The following ZNF718 variants were observed in gnomAD, a reference collection of about 807,000 sequenced individuals.
ZNF718 encodes zinc finger protein 718.
A neutral mutation model predicts 2.6 loss-of-function variants in ZNF718; 3 were observed. The ratio of observed to expected loss-of-function variants is 1.16; its 90% confidence interval spans 0.53 to 3.01. ZNF718 has a LOEUF of 3.01. Ranked by LOEUF, ZNF718 falls within the 30% of genes most tolerant of loss-of-function variation. ZNF718 has a pLI of 0.03. For synonymous variants in ZNF718, 135 were observed against 77.9 expected (o/e 1.73, Z -3.86); for missense variants, 468 against 230.0 (o/e 2.03, Z -6.69).
At chr4:164,725 T>C (rs562264803), downstream of ZNF718, among the ~76,000 whole-genome samples, 5 of 152,308 alleles carry the variant, frequency 3.3e-5, no homozygotes, top group South Asian at 8.3e-4. Flanking sequence ...ATAAGCTGTT[T>C]AGTTACTGTT....
chr4:141,984 A>G (rs543680964), intron 3 of ZNF718: 2 of 518,732 alleles, frequency 3.9e-6, no homozygotes, highest in Admixed American at 3.9e-5. Context: ...GTATATTTCC[A>G]GCAGGTAAAA....
At chr4:149,964 T>C (rs1397853548) in intron 3 of ZNF718, 1 of 152,128 alleles carries the variant, frequency 6.6e-6, no homozygotes, top group African/African-American at 2.4e-5. Flanking sequence ...TTGCAATGGG[T>C]GTCTAGATTT....
At chr4:166,200 A>G (rs1200730113), downstream of ZNF718, among the ~76,000 whole-genome samples, 1 of 152,188 alleles carries the variant, frequency 6.6e-6, no homozygotes, top group African/African-American at 2.4e-5. Flanking sequence ...TTATGGCTGC[A>G]TAGTATTCCA....
At chr4:153,726 G>C (rs1331454551) in intron 3 of ZNF718, among the ~76,000 whole-genome samples, 5 of 152,104 alleles carry the variant, frequency 3.3e-5, no homozygotes, top group African/African-American at 1.2e-4. Flanking sequence ...GGTATAGATG[G>C]TATGTAGCTC....
intron 3 of ZNF718, among the ~76,000 whole-genome samples, chr4:157,103 C>CTTT (rs199814257): frequency 9.5e-4 from 98 of 102,852 alleles, no homozygotes; most frequent in Non-Finnish European, 1.5e-3. Flanking sequence ...TTCTTTCTTT[C>CTTT]TTTTTTTTTT....
intron 3 of ZNF718, among the ~76,000 whole-genome samples, chr4:179,047 A>G (rs1157565573): frequency 6.6e-6 from 1 of 152,208 alleles, no homozygotes; most frequent in Non-Finnish European, 1.5e-5. Flanking sequence ...TGGTCTGTGT[A>G]AAATATTTTC....
chr4:142,853 C>G (rs777912590), intron 3 of ZNF718, among the ~76,000 whole-genome samples: 4 of 152,146 alleles, frequency 2.6e-5, no homozygotes, highest in Admixed American at 6.5e-5. Flanking sequence ...ATTCTTTGAT[C>G]TATTTAATTT....
chr4:192,108 A>T (rs782680081), intron 3 of ZNF718, among the ~76,000 whole-genome samples: 1 of 152,180 alleles, frequency 6.6e-6, no homozygotes, highest in Non-Finnish European at 1.5e-5. Context: ...ACCCTGCTGG[A>T]TCCAGAAGGT....
chr4:167,646 CTGTT>C (rs1279577777), downstream of ZNF718, among the ~76,000 whole-genome samples: 6 of 150,756 alleles, frequency 4.0e-5, no homozygotes, highest in Non-Finnish European at 5.9e-5. Context: ...ATTTGGCTCT[CTGTT>C]TGTCTGTTAT....
At chr4:154,597 A>T (rs1716480514) in intron 3 of ZNF718, among the ~76,000 whole-genome samples, 1 of 152,180 alleles carries the variant, frequency 6.6e-6, no homozygotes, top group Non-Finnish European at 1.5e-5. Context: ...AGATCTGTGG[A>T]ACTTTGAACT....
At position 125,808 on chromosome 4, in the gene ZNF718, G is replaced by C. The variant is rs546024924; in HGVS notation, c.3+1135G>C. 3.9e-5 allele frequency among the ~76,000 whole-genome samples: 6 copies of C among 152,316 alleles called. No homozygotes were observed. In the South Asian group the frequency reaches 1.2e-3, roughly 32 times the overall value. On this transcript the variant is annotated intron_variant, in intron 1 of 3. Transcript: ENST00000510175. Reference sequence around the variant, plus strand: ...ATTCGCACGGCCACACCTGGCCTAAGACAGGGTTCTACCCTCAGGAATTGT... The same window carrying C: ...ATTCGCACGGCCACACCTGGCCTAACACAGGGTTCTACCCTCAGGAATTGT...
intron 3 of ZNF718, among the ~76,000 whole-genome samples, chr4:134,516 A>C (rs1216453894): frequency 6.6e-6 from 1 of 152,198 alleles, no homozygotes; most frequent in African/African-American, 2.4e-5. Flanking sequence ...GAAAAATGAC[A>C]CTAAAATTTT....
intron 3 of ZNF718, among the ~76,000 whole-genome samples, chr4:153,129 G>T (rs1446688648): frequency 1.3e-5 from 2 of 151,324 alleles, no homozygotes; most frequent in African/African-American, 2.4e-5. Flanking sequence ...TACTTTTTTT[G>T]ATTATCATGT....
At chr4:136,881 G>T (rs965439441) in intron 3 of ZNF718, among the ~76,000 whole-genome samples, 1 of 152,180 alleles carries the variant, frequency 6.6e-6, no homozygotes, top group Non-Finnish European at 1.5e-5. Context: ...GCTTTTGTAA[G>T]TGATATAGTT....
intron 3 of ZNF718, among the ~76,000 whole-genome samples, chr4:171,152 A>G (rs1717217041): frequency 6.6e-6 from 1 of 152,174 alleles, no homozygotes. Context: ...CAGAAGCTGC[A>G]GAACAGCGGA....
intron 3 of ZNF718, among the ~76,000 whole-genome samples, chr4:181,220 G>T (rs1717457227): frequency 1.4e-5 from 2 of 142,602 alleles, no homozygotes; most frequent in South Asian, 4.5e-4. Context: ...TGCCCAGGGT[G>T]GTCTCAAACT....
intron 3 of ZNF718, among the ~76,000 whole-genome samples, chr4:174,644 C>T (rs1484914603): frequency 2.6e-5 from 4 of 152,210 alleles, no homozygotes; most frequent in East Asian, 1.9e-4. Context: ...ATAGACTTCA[C>T]TTAATTGTCA....
At chr4:180,070 A>G (rs1717433831) in intron 3 of ZNF718, among the ~76,000 whole-genome samples, 1 of 152,208 alleles carries the variant, frequency 6.6e-6, no homozygotes, top group Non-Finnish European at 1.5e-5. Context: ...GCTATAAATT[A>G]GAGCCAAGAA....
intron 3 of ZNF718, among the ~76,000 whole-genome samples, chr4:148,610 CAA>C (rs33957522): frequency 5.1e-3 from 380 of 74,484 alleles, no homozygotes; most frequent in Middle Eastern, 0.021. Context: ...GACTCTGTCT[CAA>C]AAAAAAAAAA....
Sources: allele counts gnomAD v4.1 joint callset (sites outside exome capture counted in the v4.1 genomes callset), GRCh38; gene constraint gnomAD v4.1.1; transcripts MANE v1.5; gene names NCBI Gene and HGNC (gene_info 2026-07-23, HGNC 2026-07-21).